MYO5A: variants seen among roughly 807,000 people sequenced by gnomAD.
MYO5A encodes the protein myosin VA.
MYO5A carries 98 observed loss-of-function variants against 249.7 expected under a neutral mutation model. That is an observed-to-expected ratio of 0.39 (90% CI 0.33 to 0.46). The LOEUF is 0.46. Ranked by LOEUF, MYO5A falls within the 20% of genes least tolerant of loss-of-function variation. The pLI, the probability that MYO5A is intolerant of heterozygous loss-of-function variation, is 0.98. For synonymous variants in MYO5A, 778 were observed against 810.6 expected, an observed-to-expected ratio of 0.96 and a Z score of 0.68; for missense variants, 1,696 against 2,308.8, an observed-to-expected ratio of 0.73 and a Z score of 5.44.
At position 52,384,193 on chromosome 15, in the gene MYO5A, C is replaced by A. The variant is rs1355064311; in HGVS notation, c.1882G>T (p.Ala628Ser). ...KPTKGRPGQM[A>S]KEHKKTVGHQ... ...CCCACTGTTTTCTTGTGCTCTTTGG[C>A]CATTTGGCCTGGTCTGCCTTTGGTG... is the stretch of plus-strand genomic sequence containing the variant. The change falls in exon 15 of 42, where the codon GCC becomes TCC. Residue 628 changes from alanine (A) to serine (S), a missense_variant. Ala to Ser is a moderately conservative substitution (Grantham distance 99, BLOSUM62 1). Transcript: ENST00000399233. The A allele has an allele frequency of 1.2e-6, 2 of 1,614,144 alleles. No individual in the cohort carries two copies. The highest frequency in any genetic ancestry group is 2.2e-5 in the South Asian group (2 of 91,074).
chr15:52,320,593 G>C (rs2038252681), intron 38 of MYO5A, among the ~76,000 whole-genome samples: 1 of 152,164 alleles, frequency 6.6e-6, no homozygotes, highest in South Asian at 2.1e-4. Flanking sequence ...GTCTCAAATA[G>C]CTAGTTAACT....
intron 1 of MYO5A, among the ~76,000 whole-genome samples, chr15:52,488,112 G>GA (rs1189097656): frequency 1.3e-4 from 19 of 148,038 alleles, no homozygotes; most frequent in African/African-American, 3.5e-4. Flanking sequence ...TATCTAGGGT[G>GA]AAAAAAAAAC....
chr15:52,521,295 G>A (rs552566226), intron 1 of MYO5A, among the ~76,000 whole-genome samples: 3 of 150,854 alleles, frequency 2.0e-5, no homozygotes, highest in African/African-American at 7.3e-5. Context: ...TAGAGAGTTC[G>A]ACACCTTTAA....
At chr15:52,376,208 G>T in intron 19 of MYO5A, 139 bp downstream of exon 19, 1 of 751,120 alleles carries the variant, frequency 1.3e-6, no homozygotes, top group Non-Finnish European at 2.3e-6. Flanking sequence ...CTATTTAGCT[G>T]TCCTATGAGT....
At position 52,439,189 on chromosome 15, in the gene MYO5A, CTTGGAAGTGGCCCGCCGCCATT is replaced by C. The variant is rs1431623530; in HGVS notation, c.28-5926_28-5905del. Among the ~76,000 whole-genome samples the C allele has an allele frequency of 2.6e-5, 4 of 152,236 alleles. No homozygotes were observed. In the South Asian group the frequency reaches 6.2e-4, roughly 24 times the overall value. ...CAGAGAACATGAGGCTTGCCACCAT[CTTGGAAGTGGCCCGCCGCCATT>C]TTGGAAGTGGCCTGCCACCATCTTG... On this transcript the variant is annotated intron_variant, in intron 1 of 41. Transcript: ENST00000399233.
At chr15:52,515,272 G>A (rs777681840) in intron 1 of MYO5A, among the ~76,000 whole-genome samples, 42 of 132,210 alleles carry the variant, frequency 3.2e-4, no homozygotes, top group Non-Finnish European at 5.7e-4. Context: ...GCAAGACCCT[G>A]TCTCAAGAAA....
intron 18 of MYO5A, among the ~76,000 whole-genome samples, chr15:52,377,327 C>A (rs2041468115): frequency 6.6e-6 from 1 of 151,528 alleles, no homozygotes; most frequent in Non-Finnish European, 1.5e-5. Flanking sequence ...GAGGCTGAGG[C>A]AGGGGAATTG....
At chr15:52,474,996 G>A (rs1247806616) in intron 1 of MYO5A, among the ~76,000 whole-genome samples, 6 of 152,188 alleles carry the variant, frequency 3.9e-5, no homozygotes, top group African/African-American at 4.8e-5. Context: ...GGTAGAACTC[G>A]GCTGTGAATC....
chr15:52,408,800 T>C (rs1437782351), intron 6 of MYO5A, among the ~76,000 whole-genome samples: 1 of 152,234 alleles, frequency 6.6e-6, no homozygotes, highest in Non-Finnish European at 1.5e-5. Context: ...TTTTACAGTA[T>C]ACTCAGTTGG....
At chr15:52,410,519 A>G (rs1045130982) in intron 5 of MYO5A, 43 bp from the exon 6 acceptor site, 1 of 1,549,992 alleles carries the variant, frequency 6.5e-7, no homozygotes, top group Non-Finnish European at 8.9e-7. Context: ...AGTGTAATTC[A>G]TAACATGACA....
intron 1 of MYO5A, among the ~76,000 whole-genome samples, chr15:52,465,744 C>T (rs577784383): frequency 7.9e-5 from 12 of 152,040 alleles, no homozygotes; most frequent in African/African-American, 2.2e-4. Context: ...AGATTTTTTT[C>T]GCCCAAGATG....
chr15:52,430,623 T>C (rs2075507196), intron 2 of MYO5A, among the ~76,000 whole-genome samples: 1 of 152,216 alleles, frequency 6.6e-6, no homozygotes, highest in Non-Finnish European at 1.5e-5. Flanking sequence ...GTTCTTCTTG[T>C]TTGACCCCTG....
Position 52,355,165 on chromosome 15 carries a change from T to C in MYO5A, c.3424-1151A>G, listed in dbSNP as rs151290100. ...TCAGGAAGAATGATTTTTGAAAATA[T>C]GAAATGCCAGCATAAATATATTGAG... On this transcript the variant is annotated intron_variant, in intron 25 of 41. Transcript: ENST00000399233. Among the ~76,000 whole-genome samples, 930 of 152,300 alleles carry C rather than the reference T, an allele frequency of 6.1e-3. 10 individuals are homozygous for C. The highest frequency in any genetic ancestry group is 0.021 in the African/African-American group (889 of 41,564).
chr15:52,327,982 A>T lies in MYO5A; in HGVS notation c.4580T>A (p.Val1527Asp), dbSNP rs777412090. The T allele has an allele frequency of 6.2e-7, 1 of 1,613,818 alleles. No individual in the cohort carries two copies. Among genetic ancestry groups the T allele is most frequent in the Admixed American group, 1.7e-5 (1 of 60,030 alleles). ...ILELKPRGVA[V>D]NLIPGLPAYI... ...TGCCGGTAATCCTGGAATCAAATTG[A>T]CTGCTACACCACGTGGCTTCAGTTC... The change falls in exon 36 of 42, where the codon GTC (valine) becomes GAC (aspartate). Residue 1527 changes from valine (V) to aspartate (D), a missense_variant. Val to Asp is a radical substitution (Grantham distance 152). Transcript: ENST00000399233.
intron 1 of MYO5A, among the ~76,000 whole-genome samples, chr15:52,499,312 A>T (rs1393073296): frequency 1.3e-5 from 2 of 152,136 alleles, no homozygotes; most frequent in Non-Finnish European, 2.9e-5. Context: ...TTCTTTTTTT[A>T]TTATTATTTT....
intron 12 of MYO5A, among the ~76,000 whole-genome samples, chr15:52,390,560 CTTTTTTTTTTTT>C (rs548075503): frequency 8.2e-6 from 1 of 121,994 alleles, no homozygotes; most frequent in Non-Finnish European, 1.7e-5. Context: ...TTTTTTTTTT[CTTTTTTTTTTTT>C]TTTTGAGACA....
intron 4 of MYO5A, among the ~76,000 whole-genome samples, chr15:52,418,011 G>A (rs919389011): frequency 6.6e-6 from 1 of 152,214 alleles, no homozygotes; most frequent in Non-Finnish European, 1.5e-5. Flanking sequence ...AGATTCCCTA[G>A]AGATGACAGC....
chr15:52,340,540 GA>G (rs1275336581), intron 31 of MYO5A, 146 bp from the exon 32 acceptor site: 1 of 722,804 alleles, frequency 1.4e-6, no homozygotes, highest in African/African-American at 1.8e-5. Flanking sequence ...TTAAAGTCAA[GA>G]AACTAAAACA....
At position 52,319,147 on chromosome 15, in the gene MYO5A, T is replaced by C. The variant is rs1424263949; in HGVS notation, c.5147A>G (p.Gln1716Arg). The change falls in exon 39 of 42, where the codon CAG becomes CGG. Residue 1716 changes from glutamine (Q) to arginine (R), a missense_variant. Transcript: ENST00000399233. ...DPELIKQVVKQMFYIIGAITL... is the reference protein window; with the variant it reads ...DPELIKQVVKRMFYIIGAITL... ...GATGGCCCCTATGATGTAGAACATC[T>C]GCTTGACCACCTGCTTGATCAGTTC... 2 of 1,614,220 alleles carry C rather than the reference T, an allele frequency of 1.2e-6. No homozygotes were observed. Among genetic ancestry groups the C allele is most frequent in the Non-Finnish European group, 1.7e-6 (2 of 1,180,020 alleles).
Sources: gnomAD v4.1 joint callset for allele counts (sites outside exome capture counted in the v4.1 genomes callset) on GRCh38, gnomAD v4.1.1 for gene constraint, MANE v1.5 for transcripts, NCBI Gene and HGNC (gene_info 2026-07-23, HGNC 2026-07-21) for gene names.